The following SDCCAG8 variants were observed in gnomAD, a reference collection of about 807,000 sequenced individuals.
SDCCAG8 encodes SHH signaling and ciliogenesis regulator SDCCAG8, also known as serologically defined colon cancer antigen 8.
In SDCCAG8, 74 loss-of-function variants were observed where a neutral mutation model predicts 101.8. The observed-to-expected ratio is 0.73, with a 90% CI of 0.60 to 0.88. SDCCAG8 has a LOEUF of 0.88. Among genes scored for constraint, SDCCAG8 ranks in the 40% least tolerant of loss-of-function variants. SDCCAG8 has a pLI of 0.00. For synonymous variants in SDCCAG8, 281 were observed against 292.9 expected (o/e 0.96, Z 0.41); for missense variants, 787 against 822.6 (o/e 0.96, Z 0.53).
intron 17 of SDCCAG8, 64 bp downstream of exon 17, chr1:243,489,204 T>C (rs1043917554): frequency 5.0e-6 from 8 of 1,587,818 alleles, no homozygotes; most frequent in African/African-American, 1.3e-5. Flanking sequence ...GGATCTTTTA[T>C]GCACCTCAAC....
intron 13 of SDCCAG8, among the ~76,000 whole-genome samples, chr1:243,404,857 T>G (rs891383948): frequency 6.7e-6 from 1 of 149,618 alleles, no homozygotes; most frequent in Non-Finnish European, 1.5e-5. Flanking sequence ...AAACTTAGAC[T>G]TCTTCTTTTT....
At chr1:243,442,296 A>G (rs1178099784) in intron 16 of SDCCAG8, among the ~76,000 whole-genome samples, 1 of 152,218 alleles carries the variant, frequency 6.6e-6, no homozygotes, top group Non-Finnish European at 1.5e-5. Context: ...GAACAATAAA[A>G]ATGTTGCAAC....
chr1:243,385,093 A>G (rs2078192505), intron 13 of SDCCAG8, among the ~76,000 whole-genome samples: 1 of 152,158 alleles, frequency 6.6e-6, no homozygotes, highest in Admixed American at 6.5e-5. Flanking sequence ...GGAAGAGAAG[A>G]AAATACATGA....
intron 1 of SDCCAG8, chr1:243,269,340 C>T (rs1261600397): frequency 7.0e-6 from 1 of 143,430 alleles, no homozygotes; most frequent in Non-Finnish European, 1.5e-5. Flanking sequence ...GTCTCGCTCT[C>T]TTGCCAGGCT....
chr1:243,499,537 T>G (rs1229032813), intron 17 of SDCCAG8, among the ~76,000 whole-genome samples: 1 of 152,220 alleles, frequency 6.6e-6, no homozygotes, highest in Non-Finnish European at 1.5e-5. Context: ...GTCTTCAAAT[T>G]TAACCCATTA....
At position 243,358,002 on chromosome 1, in the gene SDCCAG8, T is replaced by C. The variant is rs2076484178; in HGVS notation, c.1473+13671T>C. On this transcript the variant is annotated intron_variant, in intron 12 of 17. Coordinates refer to ENST00000366541, the MANE Select transcript of SDCCAG8 (RefSeq NM_006642.5). The stretch of plus-strand genomic sequence containing the variant: ...CTTAGAAAACTCTTAGAAGAAAACA[T>C]AGGCATACATCTTAGTGACTTTGGA... Among the ~76,000 whole-genome samples the C allele has an allele frequency of 2.0e-5, 3 of 152,148 alleles. No individual in the cohort carries two copies. In the South Asian group the frequency reaches 6.2e-4, roughly 31 times the overall value.
intron 17 of SDCCAG8, among the ~76,000 whole-genome samples, chr1:243,492,227 G>A (rs1435261091): frequency 6.7e-6 from 1 of 149,436 alleles, no homozygotes; most frequent in Non-Finnish European, 1.5e-5. Flanking sequence ...CATCCTCCCC[G>A]CTCCCCGGCG....
intron 6 of SDCCAG8, among the ~76,000 whole-genome samples, chr1:243,303,275 T>C (rs1164354153): frequency 6.6e-6 from 1 of 152,240 alleles, no homozygotes; most frequent in Non-Finnish European, 1.5e-5. Flanking sequence ...TGCTTTTGAC[T>C]TCTTTTATGA....
intron 13 of SDCCAG8, among the ~76,000 whole-genome samples, chr1:243,409,850 A>G (rs1335761527): frequency 1.3e-5 from 2 of 152,212 alleles, no homozygotes; most frequent in Non-Finnish European, 2.9e-5. Context: ...TAAAAAATAG[A>G]GAAAGAATAA....
In SDCCAG8 at chr1:243,447,522, A is replaced by G. The variant is rs372802815; in HGVS notation, c.1985+20964A>G. Among the ~76,000 whole-genome samples the G allele has an allele frequency of 2.1e-3, 327 of 152,220 alleles. 2 individuals are homozygous for G. Among genetic ancestry groups the G allele is most frequent in the African/African-American group, 7.3e-3 (302 of 41,564 alleles). Reference sequence around the variant, plus strand: ...TGTGTGTGTGCCTGCGCACGCACACACACACTATCTTACATAACTGCCTGT... The same window carrying G: ...TGTGTGTGTGCCTGCGCACGCACACGCACACTATCTTACATAACTGCCTGT... On this transcript the variant is annotated intron_variant, in intron 16 of 17. Transcript: ENST00000366541.
intron 12 of SDCCAG8, among the ~76,000 whole-genome samples, chr1:243,377,587 G>A (rs962063355): frequency 2.0e-4 from 30 of 151,958 alleles, no homozygotes; most frequent in Admixed American, 2.0e-3. Context: ...TATTTATACT[G>A]TTATGAATTC....
chr1:243,315,651 T>A (rs2073167386), intron 8 of SDCCAG8, among the ~76,000 whole-genome samples: 1 of 152,218 alleles, frequency 6.6e-6, no homozygotes, highest in African/African-American at 2.4e-5. Context: ...TGTTTTAAAT[T>A]GAATCATTGG....
chr1:243,441,735 G>A (rs912989924), intron 16 of SDCCAG8, among the ~76,000 whole-genome samples: 1 of 152,136 alleles, frequency 6.6e-6, no homozygotes, highest in Non-Finnish European at 1.5e-5. Context: ...TTAACATTGA[G>A]ATTGTTTTAT....
At chr1:243,378,649 A>T in intron 12 of SDCCAG8, 72 bp from the exon 13 acceptor site, 1 of 1,514,748 alleles carries the variant, frequency 6.6e-7, no homozygotes, top group South Asian at 1.2e-5. Context: ...GGCAAAAAAT[A>T]AAAATGAGCT....
intron 6 of SDCCAG8, among the ~76,000 whole-genome samples, chr1:243,295,514 G>A (rs1346246879): frequency 6.6e-6 from 1 of 152,158 alleles, no homozygotes; most frequent in Non-Finnish European, 1.5e-5. Flanking sequence ...GGGATTACAG[G>A]CATGAGCCAC....
At chr1:243,373,647 G>C (rs2077430975) in intron 12 of SDCCAG8, among the ~76,000 whole-genome samples, 1 of 152,054 alleles carries the variant, frequency 6.6e-6, no homozygotes, top group Non-Finnish European at 1.5e-5. Context: ...ACCAGAACAT[G>C]AGCTAAACAT....
chr1:243,293,490 T>C (rs1372963943), intron 6 of SDCCAG8: 5 of 579,456 alleles, frequency 8.6e-6, no homozygotes, highest in Non-Finnish European at 1.6e-5. Context: ...TCTCTTCAAC[T>C]TTCGGTCTGT....
chr1:243,438,634 C>G (rs576598975), intron 16 of SDCCAG8, among the ~76,000 whole-genome samples: 1 of 152,066 alleles, frequency 6.6e-6, no homozygotes, highest in Admixed American at 6.5e-5. Flanking sequence ...TCTCTTGAAC[C>G]ATGTAAAAAT....
chr1:243,298,448 C>T (rs985693392), intron 6 of SDCCAG8, among the ~76,000 whole-genome samples: 3 of 149,812 alleles, frequency 2.0e-5, no homozygotes, highest in Non-Finnish European at 3.0e-5. Context: ...GCCTCCGCCT[C>T]CCGGGTTCAA....
Sources: allele counts gnomAD v4.1 joint callset (sites outside exome capture counted in the v4.1 genomes callset), GRCh38; gene constraint gnomAD v4.1.1; transcripts MANE v1.5; gene names NCBI Gene and HGNC (gene_info 2026-07-23, HGNC 2026-07-21).